The following TUSC3 variants were observed in gnomAD, a reference collection of about 807,000 sequenced individuals.
TUSC3 encodes the protein tumor suppressor candidate 3, also known as dolichyl-diphosphooligosaccharide--protein glycosyltransferase subunit TUSC3.
A neutral mutation model predicts 44.8 loss-of-function variants in TUSC3; 45 were observed. The observed-to-expected ratio is 1.00, with a 90% confidence interval of 0.79 to 1.29. TUSC3 has a LOEUF of 1.29. Among genes scored for constraint, TUSC3 ranks in the 50% most tolerant of loss-of-function variants. TUSC3 has a pLI of 0.00. For missense variants in TUSC3, 519 were observed against 437.9 expected (o/e 1.19, Z -1.65); for synonymous variants, 212 against 152.9 (o/e 1.39, Z -2.85).
At chr8:15,647,772 CTTGA>C (rs988641768) in intron 2 of TUSC3, among the ~76,000 whole-genome samples, 3 of 152,002 alleles carry the variant, frequency 2.0e-5, no homozygotes, top group Admixed American at 2.0e-4. Flanking sequence ...TTATTTCAAA[CTTGA>C]TTATTTGTCT....
At chr8:15,782,435 C>T in the TUSC3 span, among the ~76,000 whole-genome samples, 1 of 152,060 alleles carries the variant, frequency 6.6e-6, no homozygotes, top group African/African-American at 2.4e-5. Flanking sequence ...GCTATAAATG[C>T]ACCACTGCAC....
chr8:15,515,518 G>A (rs543918187), intron 2 of TUSC3, among the ~76,000 whole-genome samples: 1 of 151,932 alleles, frequency 6.6e-6, no homozygotes, highest in South Asian at 2.1e-4. Context: ...ATTTTCCTTG[G>A]TTCATTAATA....
intron 1 of TUSC3, among the ~76,000 whole-genome samples, chr8:15,607,247 C>G (rs1477714486): frequency 6.6e-6 from 1 of 151,998 alleles, no homozygotes; most frequent in African/African-American, 2.4e-5. Context: ...ATTAGTTACA[C>G]AAATATTTAT....
rs144651835 is a variant in TUSC3, at chr8:15,620,105, G to A, written c.139-2975G>A. Reference sequence around the variant, plus strand: ...CAAATTAAAATAAGATACCATTGTCGATTAACTTGGAAGTGTGTGTGCATA... The same window carrying A: ...CAAATTAAAATAAGATACCATTGTCAATTAACTTGGAAGTGTGTGTGCATA... On this transcript the variant is annotated intron_variant, in intron 1 of 10. Transcript: ENST00000503731. Among the ~76,000 whole-genome samples the A allele has an allele frequency of 2.6e-3, 396 of 152,264 alleles. 1 individual carries two copies. The highest frequency in any genetic ancestry group is 8.4e-3 in the African/African-American group (347 of 41,542).
In TUSC3 at chr8:15,764,717, G is replaced by C. The variant is rs567111322; in HGVS notation, c.*561G>C. 1 of 154,324 alleles carries C rather than the reference G, an allele frequency of 6.5e-6. No individual in the cohort carries two copies. Among genetic ancestry groups the C allele is most frequent in the African/African-American group, 2.4e-5 (1 of 41,530 alleles). The allele number at this position is 154,324 out of a possible 1,614,324, so 9.6% of individuals were successfully genotyped here. On this transcript the variant is annotated 3_prime_UTR_variant, in exon 11 of 11. Transcript: ENST00000503731. ...ACTAGATAAAGGTATATAGGACAGG[G>C]AACTGGATGAATGGTACCTACAATT...
chr8:15,507,624 T>C (rs1801074636), intron 2 of TUSC3, among the ~76,000 whole-genome samples: 1 of 152,150 alleles, frequency 6.6e-6, no homozygotes. Flanking sequence ...TAAATCAGGA[T>C]GATTTCGGAA....
chr8:15,655,049 A>G (rs1807091756), intron 3 of TUSC3, among the ~76,000 whole-genome samples: 1 of 152,298 alleles, frequency 6.6e-6, no homozygotes, highest in South Asian at 2.1e-4. Flanking sequence ...TGTTAGCTTT[A>G]GAGTAGGTAG....
At chr8:15,692,412 G>A (rs376836569) in intron 6 of TUSC3, among the ~76,000 whole-genome samples, 42 of 123,174 alleles carry the variant, frequency 3.4e-4, no homozygotes, top group African/African-American at 1.2e-3. Flanking sequence ...AATAGTTTCA[G>A]TGGGAATGGT....
intron 1 of TUSC3, among the ~76,000 whole-genome samples, chr8:15,614,355 A>T (rs1161303359): frequency 6.6e-6 from 1 of 152,088 alleles, no homozygotes; most frequent in Non-Finnish European, 1.5e-5. Flanking sequence ...AATGACTTTC[A>T]GTAACTTTAG....
chr8:15,635,812 A>G (rs1306262462), intron 2 of TUSC3, among the ~76,000 whole-genome samples: 1 of 152,204 alleles, frequency 6.6e-6, no homozygotes, highest in African/African-American at 2.4e-5. Context: ...TAATGGAGCC[A>G]GGTAGCAATG....
At chr8:15,468,011 A>C (rs1343935068) in intron 1 of TUSC3, among the ~76,000 whole-genome samples, 3 of 152,214 alleles carry the variant, frequency 2.0e-5, no homozygotes, top group East Asian at 3.8e-4. Context: ...TATGAAATAG[A>C]AAACAATATA....
chr8:15,778,173 ATTAC>A, the TUSC3 span, among the ~76,000 whole-genome samples: 2 of 152,082 alleles, frequency 1.3e-5, no homozygotes, highest in African/African-American at 4.8e-5. Flanking sequence ...CTAATTAGGA[ATTAC>A]TTCTTAAGTA....
At chr8:15,646,442 C>T (rs1027558389) in intron 2 of TUSC3, among the ~76,000 whole-genome samples, 2 of 152,000 alleles carry the variant, frequency 1.3e-5, no homozygotes, top group Non-Finnish European at 2.9e-5. Context: ...GTTATTGGGA[C>T]ATTAAATCTG....
chr8:15,648,700 T>TGG (rs1214079745), intron 2 of TUSC3, among the ~76,000 whole-genome samples: 2 of 106,818 alleles, frequency 1.9e-5, no homozygotes, highest in Admixed American at 3.0e-4. Flanking sequence ...CACTCCAGCC[T>TGG]GGGTGACAGA....
At chr8:15,584,545 A>T (rs960375618) in intron 1 of TUSC3, among the ~76,000 whole-genome samples, 4 of 152,240 alleles carry the variant, frequency 2.6e-5, no homozygotes, top group Non-Finnish European at 5.9e-5. Flanking sequence ...AAGTGCTATG[A>T]TAGAGCCACT....
intron 6 of TUSC3, among the ~76,000 whole-genome samples, chr8:15,720,233 C>CACACACAG: frequency 1.4e-5 from 2 of 147,320 alleles, no homozygotes; most frequent in African/African-American, 5.1e-5. Flanking sequence ...CACACACACA[C>CACACACAG]AGAGAGAACA....
At chr8:15,675,536 A>T (rs749423452) in intron 6 of TUSC3, among the ~76,000 whole-genome samples, 1 of 151,908 alleles carries the variant, frequency 6.6e-6, no homozygotes, top group Non-Finnish European at 1.5e-5. Context: ...GGATTGGGGT[A>T]TGAATGATCT....
chr8:15,423,421 C>T (rs558366704), intron 1 of TUSC3, among the ~76,000 whole-genome samples: 6 of 152,276 alleles, frequency 3.9e-5, no homozygotes, highest in South Asian at 2.1e-4. Flanking sequence ...CTACCTAGTG[C>T]GTTCCATAAG....
At chr8:15,641,804 T>C (rs954577656) in intron 2 of TUSC3, among the ~76,000 whole-genome samples, 34 of 152,238 alleles carry the variant, frequency 2.2e-4, no homozygotes, top group Admixed American at 5.2e-4. Context: ...ATAGGTGTAG[T>C]GTTACATTGT....
Sources: gnomAD v4.1 joint callset for allele counts (sites outside exome capture counted in the v4.1 genomes callset) on GRCh38, gnomAD v4.1.1 for gene constraint, MANE v1.5 for transcripts, NCBI Gene and HGNC (gene_info 2026-07-23, HGNC 2026-07-21) for gene names.